PCDH15: variants seen among roughly 807,000 people sequenced by gnomAD.
PCDH15 encodes protocadherin-15.
A neutral mutation model predicts 178.5 loss-of-function variants in PCDH15; 129 were observed. The ratio of observed to expected loss-of-function variants is 0.72; its 90% confidence interval spans 0.63 to 0.84. The LOEUF is 0.84. Ranked by LOEUF, PCDH15 falls within the 40% of genes least tolerant of loss-of-function variation. The pLI is 0.00. For synonymous variants in PCDH15, 800 were observed against 732.0 expected (o/e 1.09, Z -1.50); for missense variants, 2,230 against 2,099.9 (o/e 1.06, Z -1.21).
chr10:55,347,425 CATAA>C (rs980572590), intron 2 of PCDH15, among the ~76,000 whole-genome samples: 8 of 152,036 alleles, frequency 5.3e-5, no homozygotes, highest in African/African-American at 9.7e-5. Context: ...TCCTGAAACA[CATAA>C]ATAAGTACAA....
intron 2 of PCDH15, among the ~76,000 whole-genome samples, chr10:54,957,910 A>G (rs979100104): frequency 1.7e-4 from 26 of 151,854 alleles, no homozygotes; most frequent in Middle Eastern, 3.4e-3. Flanking sequence ...GCCTAAAAGC[A>G]GGACATAAAT....
intron 2 of PCDH15, among the ~76,000 whole-genome samples, chr10:55,409,276 T>A (rs1358943129): frequency 6.6e-6 from 1 of 152,184 alleles, no homozygotes; most frequent in Non-Finnish European, 1.5e-5. Flanking sequence ...CTGCTTCATC[T>A]GCTACTGTCT....
chr10:55,175,034 T>C (rs1225453490), intron 1 of PCDH15, among the ~76,000 whole-genome samples: 1 of 151,774 alleles, frequency 6.6e-6, no homozygotes, highest in Non-Finnish European at 1.5e-5. Flanking sequence ...CAGAGAAGTT[T>C]GGGGATGAGC....
At chr10:55,417,477 G>A (rs1838511352) in intron 2 of PCDH15, among the ~76,000 whole-genome samples, 2 of 151,524 alleles carry the variant, frequency 1.3e-5, no homozygotes, top group Non-Finnish European at 3.0e-5. Flanking sequence ...CTTTTACAGA[G>A]GTATTTGCTC....
intron 2 of PCDH15, among the ~76,000 whole-genome samples, chr10:55,593,399 T>C (rs1842880201): frequency 6.6e-6 from 1 of 151,982 alleles, no homozygotes; most frequent in Admixed American, 6.6e-5. Context: ...ATAATTTATG[T>C]ATCAAGGAAA....
At chr10:54,054,042 G>A (rs898418174) in intron 18 of PCDH15, among the ~76,000 whole-genome samples, 1 of 152,040 alleles carries the variant, frequency 6.6e-6, no homozygotes, top group Non-Finnish European at 1.5e-5. Context: ...ATTTGGCTTG[G>A]GGAATAGTTA....
In PCDH15 at chr10:54,227,427, A is replaced by T. The variant is rs544106638; in HGVS notation, c.985+9396T>A. Among the ~76,000 whole-genome samples the T allele has an allele frequency of 1.3e-3, 198 of 152,280 alleles. 1 individual carries two copies. Among genetic ancestry groups the T allele is most frequent in the African/African-American group, 4.4e-3 (181 of 41,578 alleles). On this transcript the variant is annotated intron_variant, in intron 9 of 37. Transcript: ENST00000644397. ...CAGCCACAGCTGGAGCAGCTAGGAC[A>T]CAGGGCAACAAGTCCCAAGGCTGCA...
chr10:53,883,018 TTATG>T, intron 26 of PCDH15, among the ~76,000 whole-genome samples: 1 of 152,288 alleles, frequency 6.6e-6, no homozygotes, highest in Middle Eastern at 3.4e-3. Flanking sequence ...GTTTGTTCCT[TTATG>T]TTTTTTTGAT....
In PCDH15 at chr10:55,011,787, GA is replaced by G. The variant is rs1162657343; in HGVS notation, c.-79-114288del. Among the ~76,000 whole-genome samples the G allele has an allele frequency of 2.6e-5, 4 of 151,338 alleles. No homozygotes were observed. The East Asian group carries it at 7.7e-4, about 29-fold the overall frequency. On this transcript the variant is annotated intron_variant, in intron 2 of 5. Transcript: ENST00000458638. ...AAATTTTAAACATCGAAATGAAAAA[GA>G]AAATGAAAAAAGGGATCAAGAAAAT...
At chr10:54,797,811 G>A (rs1286411001) in intron 1 of PCDH15, among the ~76,000 whole-genome samples, 2 of 151,920 alleles carry the variant, frequency 1.3e-5, no homozygotes, top group Non-Finnish European at 2.9e-5. Flanking sequence ...GGCAGGGGGG[G>A]AGCGGGGTGT....
intron 32 of PCDH15, among the ~76,000 whole-genome samples, chr10:53,826,974 A>G (rs2076720946): frequency 6.6e-6 from 1 of 152,014 alleles, no homozygotes; most frequent in Admixed American, 6.6e-5. Flanking sequence ...TGGATACCTA[A>G]TCAGGATTAC....
chr10:55,435,388 T>A (rs10219083), intron 2 of PCDH15, among the ~76,000 whole-genome samples: 1 of 152,032 alleles, frequency 6.6e-6, no homozygotes, highest in Admixed American at 6.5e-5. Context: ...GTATTGTTAC[T>A]TTTAAAATTA....
intron 3 of PCDH15, among the ~76,000 whole-genome samples, chr10:54,407,944 A>G (rs1952901476): frequency 6.7e-6 from 1 of 150,220 alleles, no homozygotes; most frequent in Non-Finnish European, 1.5e-5. Flanking sequence ...AATCCCAGCT[A>G]CTAGGGTGGC....
In PCDH15 at chr10:53,886,595, C is replaced by CTT. The variant is rs36171553; in HGVS notation, c.3501+16646_3501+16647dup. ...TCGTTTCCTGCCCACATGTATGCCT[C>CTT]TTTTTTTTTTTTTTTTTTTTTTTTT... On this transcript the variant is annotated intron_variant, in intron 26 of 37. Transcript: ENST00000644397. Among the ~76,000 whole-genome samples, 184 of 72,806 alleles carry CTT rather than the reference C, an allele frequency of 2.5e-3. 17 individuals are homozygous for CTT. The highest frequency in any genetic ancestry group is 0.01 in the African/African-American group (169 of 16,630). The allele number at this position is 72,806 out of a possible 152,430, so 47.8% of individuals were successfully genotyped here. A position where few individuals can be genotyped will look rare whatever the true frequency, so the allele number is the denominator to read the frequency against.
At chr10:54,080,062 T>C (rs1384809391) in intron 16 of PCDH15, among the ~76,000 whole-genome samples, 2 of 152,080 alleles carry the variant, frequency 1.3e-5, no homozygotes, top group African/African-American at 2.4e-5. Context: ...AGAGGAATCA[T>C]TCTGCATATT....
intron 26 of PCDH15, among the ~76,000 whole-genome samples, chr10:53,891,958 C>T (rs1194235294): frequency 6.6e-6 from 1 of 150,508 alleles, no homozygotes; most frequent in Non-Finnish European, 1.5e-5. Flanking sequence ...GACAGAGCAA[C>T]ACTCCATATC....
intron 2 of PCDH15, among the ~76,000 whole-genome samples, chr10:55,420,468 TC>T (rs112656940): frequency 1.3e-5 from 2 of 151,568 alleles, no homozygotes; most frequent in Admixed American, 6.6e-5. Context: ...GCATTTTTTT[TC>T]CCTTCATCTT....
At chr10:54,238,673 T>TCACACACA (rs1387844861) in intron 8 of PCDH15, among the ~76,000 whole-genome samples, 2 of 142,470 alleles carry the variant, frequency 1.4e-5, no homozygotes, top group African/African-American at 5.8e-5. Flanking sequence ...TCTCTCTCTC[T>TCACACACA]CTCTCACACA....
intron 3 of PCDH15, among the ~76,000 whole-genome samples, chr10:54,514,504 GA>G (rs199672843): frequency 1.2e-4 from 17 of 145,640 alleles, no homozygotes; most frequent in South Asian, 2.2e-4. Context: ...TACCTCTCCT[GA>G]AAAAAAAAAT....
Sources: gnomAD v4.1 joint callset for allele counts (sites outside exome capture counted in the v4.1 genomes callset) on GRCh38, gnomAD v4.1.1 for gene constraint, MANE v1.5 for transcripts, NCBI Gene and HGNC (gene_info 2026-07-23, HGNC 2026-07-21) for gene names.